Variants in RPS15A observed in about 807,000 individuals in gnomAD.
RPS15A encodes the protein small ribosomal subunit protein uS8.
For synonymous variants in RPS15A, 55 were observed against 58.5 expected, an observed-to-expected ratio of 0.94 and a Z score of 0.27; for missense variants, 62 against 163.4, an observed-to-expected ratio of 0.38 and a Z score of 3.38.
chr16:18,787,715 G>C (rs1280289036), intron 3 of RPS15A, among the ~76,000 whole-genome samples: 1 of 152,162 alleles, frequency 6.6e-6, no homozygotes, highest in African/African-American at 2.4e-5. Flanking sequence ...TGAGAGGAAG[G>C]ACACAGCACC....
chr16:18,789,448 G>T (rs1019774263), intron 1 of RPS15A, among the ~76,000 whole-genome samples: 1 of 152,200 alleles, frequency 6.6e-6, no homozygotes, highest in African/African-American at 2.4e-5. Flanking sequence ...GTGAGAACTG[G>T]CAGAAACTGC....
intron 3 of RPS15A, 84 bp from the exon 4 acceptor site, chr16:18,784,907 TAAAC>T (rs1904022558): frequency 5.3e-6 from 6 of 1,130,302 alleles, no homozygotes; most frequent in Admixed American, 2.1e-5. Context: ...CATTCATAAA[TAAAC>T]AGTCCTCCAA....
intron 3 of RPS15A, 22 bp from the exon 4 acceptor site, chr16:18,784,845 A>G (rs766497899): frequency 6.4e-7 from 1 of 1,553,390 alleles, no homozygotes; most frequent in Non-Finnish European, 8.8e-7. Context: ...CAACAACAAC[A>G]AAAACATTCT....
chr16:18,790,136 C>G (rs1013855519), intron 1 of RPS15A, 108 bp downstream of exon 1: 1 of 152,466 alleles, frequency 6.6e-6, no homozygotes, highest in African/African-American at 2.4e-5. Flanking sequence ...AGTGCACAGT[C>G]TGGGGCGCCC....
In RPS15A at chr16:18,790,291, C is replaced by A. The variant is rs996234961; in HGVS notation, c.-53G>T. ...ATGGCAGACGGATGAAATTGGAGCT[C>A]TCAGAGAGTGCTACTCACCGGCGCG... On this transcript the variant is annotated 5_prime_UTR_variant, in exon 1 of 5. Transcript: ENST00000322989. 1 of 152,142 alleles carries A rather than the reference C, an allele frequency of 6.6e-6. No homozygotes were observed. The highest frequency in any genetic ancestry group is 1.9e-4 in the East Asian group (1 of 5,142). The allele number at this position is 152,142 out of a possible 1,614,324, so 9.4% of individuals were successfully genotyped here. A position where few individuals can be genotyped will look rare whatever the true frequency, so the allele number is the denominator to read the frequency against.
At chr16:18,784,848 AAC>A in intron 3 of RPS15A, 25 bp from the exon 4 acceptor site, 1 of 1,546,254 alleles carries the variant, frequency 6.5e-7, no homozygotes, top group Non-Finnish European at 8.8e-7. Flanking sequence ...CAACAACAAA[AAC>A]ATTCTTCACT....
In RPS15A at chr16:18,788,191, C is replaced by G. The variant is rs761761715; in HGVS notation, c.134-49G>C. 2.5e-6 allele frequency: 3 copies of G among 1,186,662 alleles called. No individual in the cohort carries two copies. In the South Asian group the frequency reaches 3.6e-5, roughly 14 times the overall value. 73.5% of individuals were successfully genotyped at this position (1,186,662 alleles called of 1,614,324 possible). A position where few individuals can be genotyped will look rare whatever the true frequency, so the allele number is the denominator to read the frequency against. Reference sequence around the variant, plus strand: ...TAAATAAAAGACATCAACTTGAGAGCTAAACCTCTGTGCTCTAGCCTACTC... The same window carrying G: ...TAAATAAAAGACATCAACTTGAGAGGTAAACCTCTGTGCTCTAGCCTACTC... On this transcript the variant is annotated intron_variant, in intron 2 of 4. Transcript: ENST00000322989.
chr16:18,783,767 A>C (rs1356904036), intron 4 of RPS15A: 3 of 451,846 alleles, frequency 6.6e-6, no homozygotes, highest in Non-Finnish European at 1.3e-5. Flanking sequence ...TGCTTTACCA[A>C]AATTAAATCA....
At chr16:18,784,618 G>A in intron 4 of RPS15A, 120 bp downstream of exon 4, 1 of 730,090 alleles carries the variant, frequency 1.4e-6, no homozygotes. Flanking sequence ...AAATGGTTAA[G>A]AGTAGACAAA....
chr16:18,786,241 T>C, intron 3 of RPS15A: 1 of 231,664 alleles, frequency 4.3e-6, no homozygotes, highest in Non-Finnish European at 8.9e-6. Context: ...GGCACTCACC[T>C]GTAATCTCAG....
In RPS15A at chr16:18,782,745, A is replaced by C; in HGVS notation, c.*264T>G. ...TCCAAAAAAGAAAAAAAAAAAAAAA[A>C]ACTGAAATACAACTAAAATATTTAG... On this transcript the variant is annotated 3_prime_UTR_variant, in exon 5 of 5. Coordinates refer to ENST00000322989, the MANE Select transcript of RPS15A (RefSeq NM_001019.5). 3.4e-6 allele frequency: 1 copy of C among 293,896 alleles called. No homozygotes were observed. Among genetic ancestry groups the C allele is most frequent in the Non-Finnish European group, 6.3e-6 (1 of 158,314 alleles). The allele number at this position is 293,896 out of a possible 1,614,324, so 18.2% of individuals were successfully genotyped here. A position where few individuals can be genotyped will look rare whatever the true frequency, so the allele number is the denominator to read the frequency against.
chr16:18,783,773 A>C, intron 4 of RPS15A: 1 of 451,842 alleles, frequency 2.2e-6, no homozygotes, highest in East Asian at 7.0e-5. Flanking sequence ...ACCAAAATTA[A>C]ATCAGGTGAT....
At position 18,781,434 on chromosome 16, in the gene RPS15A, A is replaced by G. The variant is rs1266615932; in HGVS notation, c.*1575T>C. The G allele has an allele frequency of 2.0e-5, 3 of 151,676 alleles. 1 individual carries two copies. Among genetic ancestry groups the G allele is most frequent in the Non-Finnish European group, 4.4e-5 (3 of 67,892 alleles). 9.4% of individuals were successfully genotyped at this position (151,676 alleles called of 1,614,324 possible). A position where few individuals can be genotyped will look rare whatever the true frequency, so the allele number is the denominator to read the frequency against. ...GGACCAGAGACACGATGGTTAAACAAGCCAGAGCCCTGTGATCCTAGGGCT... is the reference window on the plus strand; with the variant it reads ...GGACCAGAGACACGATGGTTAAACAGGCCAGAGCCCTGTGATCCTAGGGCT... On this transcript the variant is annotated 3_prime_UTR_variant, in exon 5 of 5. Transcript: ENST00000322989.
intron 4 of RPS15A, 95 bp downstream of exon 4, chr16:18,784,642 GT>G: frequency 1.1e-6 from 1 of 911,478 alleles, no homozygotes; most frequent in Non-Finnish European, 1.7e-6. Flanking sequence ...CCACTGCTTT[GT>G]TTTAAACAGA....
At chr16:18,784,998 G>A in intron 3 of RPS15A, 175 bp from the exon 4 acceptor site, 5 of 541,222 alleles carry the variant, frequency 9.2e-6, no homozygotes, top group South Asian at 2.5e-5. Context: ...ATACACCTAA[G>A]TAAGACTACG....
At chr16:18,783,136 T>A (rs754084692) in intron 4 of RPS15A, 34 bp from the exon 5 acceptor site, 5 of 1,424,476 alleles carry the variant, frequency 3.5e-6, no homozygotes, top group Non-Finnish European at 4.9e-6. Flanking sequence ...CTGGTAAGTT[T>A]AATAGTTCAA....
At chr16:18,785,962 C>T (rs1358895826) in intron 3 of RPS15A, 1 of 152,238 alleles carries the variant, frequency 6.6e-6, no homozygotes, top group Non-Finnish European at 1.5e-5. Context: ...GAATTTTAAT[C>T]AATCTAGTCT....
At chr16:18,788,912 A>T in intron 2 of RPS15A, 69 bp downstream of exon 2, 3 of 1,516,560 alleles carry the variant, frequency 2.0e-6, no homozygotes, top group Non-Finnish European at 2.7e-6. Context: ...CCCCATAATT[A>T]ATTTCTACAG....
At chr16:18,784,947 G>A (rs1201644586) in intron 3 of RPS15A, 124 bp from the exon 4 acceptor site, 9 of 698,550 alleles carry the variant, frequency 1.3e-5, no homozygotes, top group Non-Finnish European at 2.2e-5. Context: ...ATTCAGATGG[G>A]TACTTATTCT....
Sources: gnomAD v4.1 joint callset for allele counts (sites outside exome capture counted in the v4.1 genomes callset) on GRCh38, gnomAD v4.1.1 for gene constraint, MANE v1.5 for transcripts, NCBI Gene and HGNC (gene_info 2026-07-23, HGNC 2026-07-21) for gene names.